Variants in ABLIM1 observed in about 807,000 individuals in gnomAD.
ABLIM1 encodes the protein actin-binding LIM protein 1.
A neutral mutation model predicts 107.0 loss-of-function variants in ABLIM1; 40 were observed. The ratio of observed to expected loss-of-function variants is 0.37; its 90% CI spans 0.29 to 0.49. ABLIM1 has a LOEUF of 0.49. ABLIM1 is among the 20% of genes least tolerant of loss of function. The pLI is 0.97. For synonymous variants in ABLIM1, 357 were observed against 357.3 expected, an observed-to-expected ratio of 1.00 and a Z score of 0.01; for missense variants, 857 against 1,008.5, an observed-to-expected ratio of 0.85 and a Z score of 2.04.
intron 1 of ABLIM1, among the ~76,000 whole-genome samples, chr10:114,752,423 T>A (rs1484865204): frequency 1.3e-5 from 2 of 152,142 alleles, no homozygotes; most frequent in Admixed American, 1.3e-4. Flanking sequence ...AATTCTCAGG[T>A]TTCATTTATT....
At chr10:114,670,395 C>CATATATT (rs1332632953) in intron 1 of ABLIM1, among the ~76,000 whole-genome samples, 1 of 152,138 alleles carries the variant, frequency 6.6e-6, no homozygotes, top group East Asian at 1.9e-4. Flanking sequence ...AAATAAGATA[C>CATATATT]ATATATTAGA....
intron 6 of ABLIM1, among the ~76,000 whole-genome samples, chr10:114,497,225 C>A (rs1376944287): frequency 6.6e-6 from 1 of 152,208 alleles, no homozygotes; most frequent in Non-Finnish European, 1.5e-5. Context: ...TGGCAGACAA[C>A]GGCATGAAGG....
intron 4 of ABLIM1, among the ~76,000 whole-genome samples, chr10:114,569,643 A>G (rs2071354183): frequency 1.3e-5 from 2 of 152,124 alleles, no homozygotes; most frequent in Non-Finnish European, 2.9e-5. Context: ...GTTTTTGGTA[A>G]TGTACTTTCA....
intron 1 of ABLIM1, among the ~76,000 whole-genome samples, chr10:114,622,748 ACCC>A (rs2077548777): frequency 6.6e-6 from 1 of 151,972 alleles, no homozygotes; most frequent in South Asian, 2.1e-4. Context: ...GCAAGACCAA[ACCC>A]TCCTCTTCTT....
intron 1 of ABLIM1, among the ~76,000 whole-genome samples, chr10:114,603,320 A>T (rs1204589628): frequency 6.6e-6 from 1 of 152,144 alleles, no homozygotes; most frequent in Admixed American, 6.5e-5. Flanking sequence ...TAGTCCAAAT[A>T]ATCCATTACT....
chr10:114,754,753 C>A (rs1359729206), intron 1 of ABLIM1, among the ~76,000 whole-genome samples: 1 of 152,202 alleles, frequency 6.6e-6, no homozygotes, highest in Non-Finnish European at 1.5e-5. Context: ...GTGTTTATCA[C>A]TGTAGGCAGC....
At chr10:114,632,271 C>G in intron 1 of ABLIM1, 1 of 985,422 alleles carries the variant, frequency 1.0e-6, no homozygotes, top group Non-Finnish European at 1.2e-6. Context: ...ACCTTGTATT[C>G]CTCGCACCGA....
At chr10:114,680,582 A>G (rs968956569) in intron 1 of ABLIM1, among the ~76,000 whole-genome samples, 4 of 152,236 alleles carry the variant, frequency 2.6e-5, no homozygotes, top group Admixed American at 2.0e-4. Context: ...GACAAGAGGC[A>G]CCCTTCCTTC....
intron 6 of ABLIM1, among the ~76,000 whole-genome samples, chr10:114,540,786 C>G (rs2066559441): frequency 6.6e-6 from 1 of 152,166 alleles, no homozygotes; most frequent in Non-Finnish European, 1.5e-5. Context: ...TAAATTAAAA[C>G]CACACAGGGT....
At chr10:114,477,542 C>T (rs1230331750) in intron 8 of ABLIM1, among the ~76,000 whole-genome samples, 1 of 152,168 alleles carries the variant, frequency 6.6e-6, no homozygotes, top group African/African-American at 2.4e-5. Flanking sequence ...AATGATGCAC[C>T]TGGGGATGGC....
chr10:114,741,835 C>A (rs571713929), intron 1 of ABLIM1, among the ~76,000 whole-genome samples: 98 of 152,276 alleles, frequency 6.4e-4, no homozygotes, highest in African/African-American at 2.3e-3. Context: ...AAGTTAAAAT[C>A]CAGAAGTAGT....
At position 114,434,427 on chromosome 10, in the gene ABLIM1, T is replaced by C. The variant is rs1292848013; in HGVS notation, c.*1833A>G. ...GAGGATGCTATAGAACAGTGACTGT[T>C]CATTCCATCCCCCAAATGACAGCGG... On this transcript the variant is annotated 3_prime_UTR_variant, in exon 23 of 23. Transcript: ENST00000533213. The C allele has an allele frequency of 6.6e-6, 1 of 152,062 alleles. No homozygotes were observed. The highest frequency in any genetic ancestry group is 1.5e-5 in the Non-Finnish European group (1 of 68,002). The allele number at this position is 152,062 out of a possible 1,614,324, so 9.4% of individuals were successfully genotyped here.
intron 4 of ABLIM1, among the ~76,000 whole-genome samples, chr10:114,549,773 G>C (rs1272448609): frequency 6.6e-6 from 1 of 152,126 alleles, no homozygotes. Flanking sequence ...GAATACTATG[G>C]GCTGTTCAAA....
rs1438489173 is a variant in ABLIM1, at chr10:114,434,601, T to A, written c.*1659A>T. 1 of 152,288 alleles carries A rather than the reference T, an allele frequency of 6.6e-6. No homozygotes were observed. The highest frequency in any genetic ancestry group is 1.9e-4 in the East Asian group (1 of 5,178). The allele number at this position is 152,288 out of a possible 1,614,324, so 9.4% of individuals were successfully genotyped here. On this transcript the variant is annotated 3_prime_UTR_variant, in exon 23 of 23. Transcript: ENST00000533213. ...TTTTGTTCTTAGTGGCATATGAAGG[T>A]AAATTCAAATGTTTTCTTCTTCGGC...
intron 1 of ABLIM1, among the ~76,000 whole-genome samples, chr10:114,675,304 C>T (rs73371845): frequency 6.6e-6 from 1 of 152,292 alleles, no homozygotes; most frequent in African/African-American, 2.4e-5. Context: ...CCACAAATCC[C>T]CACATGTTAC....
chr10:114,617,967 A>T (rs1431858282), intron 1 of ABLIM1, among the ~76,000 whole-genome samples: 2 of 152,272 alleles, frequency 1.3e-5, no homozygotes, highest in South Asian at 2.1e-4. Context: ...GAAAAAGTTT[A>T]AAAAACCCAA....
At chr10:114,771,072 C>T (rs1338297085), upstream of ABLIM1, among the ~76,000 whole-genome samples, 1 of 152,226 alleles carries the variant, frequency 6.6e-6, no homozygotes, top group East Asian at 1.9e-4. Flanking sequence ...CTCAGGCAAA[C>T]TGCCCGCCTC....
chr10:114,728,031 C>A (rs1017373416), intron 1 of ABLIM1, among the ~76,000 whole-genome samples: 1 of 152,160 alleles, frequency 6.6e-6, no homozygotes, highest in Non-Finnish European at 1.5e-5. Flanking sequence ...TTACAAACAA[C>A]ACCTACAAGT....
intron 1 of ABLIM1, among the ~76,000 whole-genome samples, chr10:114,651,624 T>C (rs1212200476): frequency 1.3e-5 from 2 of 151,960 alleles, no homozygotes; most frequent in East Asian, 1.9e-4. Context: ...TTCTGGGAAA[T>C]ATGATTAAAC....
Sources: allele counts gnomAD v4.1 joint callset (sites outside exome capture counted in the v4.1 genomes callset), GRCh38; gene constraint gnomAD v4.1.1; transcripts MANE v1.5; gene names NCBI Gene and HGNC (gene_info 2026-07-23, HGNC 2026-07-21).